The following ST8SIA2 variants were observed in gnomAD, a reference collection of about 807,000 sequenced individuals.
ST8SIA2 encodes the protein ST8 alpha-N-acetyl-neuraminide alpha-2,8-sialyltransferase 2.
ST8SIA2 carries 22 observed loss-of-function variants against 37.6 expected under a neutral mutation model. The observed-to-expected ratio is 0.58, with a 90% CI of 0.42 to 0.83. The LOEUF is 0.83. ST8SIA2 is among the 40% of genes least tolerant of loss of function. ST8SIA2 has a pLI of 0.00. For missense variants in ST8SIA2, 382 were observed against 484.7 expected, an observed-to-expected ratio of 0.79 and a Z score of 1.99; for synonymous variants, 205 against 201.2, an observed-to-expected ratio of 1.02 and a Z score of -0.16.
chr15:92,459,184 C>T (rs2049940692), intron 5 of ST8SIA2, among the ~76,000 whole-genome samples: 1 of 152,174 alleles, frequency 6.6e-6, no homozygotes, highest in Non-Finnish European at 1.5e-5. Context: ...GAAAGCCTTC[C>T]CCTACTAAGA....
chr15:92,455,851 G>A (rs2049916089), intron 5 of ST8SIA2, among the ~76,000 whole-genome samples: 1 of 152,184 alleles, frequency 6.6e-6, no homozygotes, highest in Admixed American at 6.5e-5. Flanking sequence ...CCTAGAGGTA[G>A]GTATCGATTC....
chr15:92,414,415 G>A (rs2049572054), intron 1 of ST8SIA2, among the ~76,000 whole-genome samples: 1 of 152,172 alleles, frequency 6.6e-6, no homozygotes, highest in Non-Finnish European at 1.5e-5. Context: ...ACTCATCTCA[G>A]GTTCTGACAA....
intron 1 of ST8SIA2, among the ~76,000 whole-genome samples, chr15:92,411,842 T>TA (rs1177089419): frequency 6.6e-6 from 1 of 152,120 alleles, no homozygotes. Flanking sequence ...TTAGTGTAGA[T>TA]AAAATCTCTA....
chr15:92,458,961 C>A (rs959404576), intron 5 of ST8SIA2, among the ~76,000 whole-genome samples: 11 of 152,118 alleles, frequency 7.2e-5, no homozygotes, highest in African/African-American at 2.7e-4. Context: ...ACAGGATGCA[C>A]GTGCTTAGTT....
At chr15:92,394,220 T>G in intron 1 of ST8SIA2, 58 bp downstream of exon 1, 2 of 1,397,614 alleles carry the variant, frequency 1.4e-6, no homozygotes, top group Non-Finnish European at 2.0e-6. Context: ...TCCCTCCTTC[T>G]GTACTCTCCA....
chr15:92,418,067 G>A lies in ST8SIA2; in HGVS notation c.99-11982G>A, dbSNP rs148221379. Reference sequence around the variant, plus strand: ...TCATGCAGACCACAATCAAATCCTTGCTCTGCTGCTTTGCTTGCTGGGTGG... The same window carrying A: ...TCATGCAGACCACAATCAAATCCTTACTCTGCTGCTTTGCTTGCTGGGTGG... On this transcript the variant is annotated intron_variant, in intron 1 of 5. Transcript: ENST00000268164. Among the ~76,000 whole-genome samples, 261 of 152,240 alleles carry A rather than the reference G, an allele frequency of 1.7e-3. 1 individual carries two copies. Among genetic ancestry groups the A allele is most frequent in the Non-Finnish European group, 2.7e-3 (183 of 68,002 alleles).
At chr15:92,403,153 C>T (rs969476274) in intron 1 of ST8SIA2, among the ~76,000 whole-genome samples, 2 of 152,170 alleles carry the variant, frequency 1.3e-5, no homozygotes, top group Non-Finnish European at 2.9e-5. Context: ...TTCCCAAGCA[C>T]CCTGTTAGTC....
At chr15:92,398,601 T>G (rs189075470) in intron 1 of ST8SIA2, among the ~76,000 whole-genome samples, 116 of 152,340 alleles carry the variant, frequency 7.6e-4, no homozygotes, top group Non-Finnish European at 1.4e-3. Flanking sequence ...GTGAGCCAGA[T>G]GCTAGGCTAA....
intron 1 of ST8SIA2, among the ~76,000 whole-genome samples, chr15:92,398,279 A>G (rs776095804): frequency 6.6e-6 from 1 of 152,262 alleles, no homozygotes; most frequent in Non-Finnish European, 1.5e-5. Context: ...CACTAATCTG[A>G]GATCACAGCC....
At chr15:92,454,465 G>A (rs1352813612) in intron 5 of ST8SIA2, among the ~76,000 whole-genome samples, 1 of 152,012 alleles carries the variant, frequency 6.6e-6, no homozygotes, top group Non-Finnish European at 1.5e-5. Context: ...TGAGTTTGGG[G>A]GAAATGAGAA....
At chr15:92,429,886 G>A (rs2049702486) in intron 1 of ST8SIA2, among the ~76,000 whole-genome samples, 163 bp from the exon 2 acceptor site, 2 of 152,224 alleles carry the variant, frequency 1.3e-5, no homozygotes, top group Non-Finnish European at 2.9e-5. Context: ...AAATGTTTGG[G>A]CTGTGTCTGG....
intron 1 of ST8SIA2, among the ~76,000 whole-genome samples, chr15:92,410,094 C>T (rs1490847606): frequency 6.6e-6 from 1 of 152,202 alleles, no homozygotes; most frequent in African/African-American, 2.4e-5. Context: ...CCTCAGTTTT[C>T]GCATTTATAA....
intron 5 of ST8SIA2, among the ~76,000 whole-genome samples, chr15:92,459,106 C>T (rs1473976902): frequency 3.3e-5 from 5 of 152,182 alleles, no homozygotes; most frequent in African/African-American, 7.2e-5. Flanking sequence ...GACGTTTCAT[C>T]GCTGATTCGA....
At chr15:92,453,598 G>A (rs1428325767) in intron 5 of ST8SIA2, among the ~76,000 whole-genome samples, 1 of 152,220 alleles carries the variant, frequency 6.6e-6, no homozygotes, top group Non-Finnish European at 1.5e-5. Context: ...TGAGAGTCAG[G>A]GAGGTTGGCG....
chr15:92,413,289 T>C (rs1271610248), intron 1 of ST8SIA2, among the ~76,000 whole-genome samples: 3 of 152,174 alleles, frequency 2.0e-5, no homozygotes, highest in East Asian at 3.9e-4. Context: ...AGAACAGTAA[T>C]TACATTAAAA....
chr15:92,407,599 C>A (rs1183740723), intron 1 of ST8SIA2, among the ~76,000 whole-genome samples: 3 of 152,126 alleles, frequency 2.0e-5, no homozygotes, highest in Admixed American at 6.5e-5. Context: ...GATCTGGTGG[C>A]CTGCCCAGCC....
chr15:92,408,928 G>A (rs2049529313), intron 1 of ST8SIA2, among the ~76,000 whole-genome samples: 1 of 151,918 alleles, frequency 6.6e-6, no homozygotes, highest in African/African-American at 2.4e-5. Flanking sequence ...CTGGTCTTGA[G>A]TTCCTGACCT....
Position 92,464,560 on chromosome 15 carries a change from G to A in ST8SIA2, c.*175G>A. 1 of 706,262 alleles carries A rather than the reference G, an allele frequency of 1.4e-6. No individual in the cohort carries two copies. The highest frequency in any genetic ancestry group is 1.8e-5 in the South Asian group (1 of 55,708). 43.7% of individuals were successfully genotyped at this position (706,262 alleles called of 1,614,324 possible). The stretch of plus-strand genomic sequence containing the variant: ...TACCTGCATATATATATTGACCTGA[G>A]TATTTATAACTGTGTGGTGTTCATC... On this transcript the variant is annotated 3_prime_UTR_variant, in exon 6 of 6. Coordinates refer to ENST00000268164, the MANE Select transcript of ST8SIA2 (RefSeq NM_006011.4).
intron 1 of ST8SIA2, among the ~76,000 whole-genome samples, chr15:92,423,666 C>T (rs1329523527): frequency 6.6e-6 from 1 of 152,214 alleles, no homozygotes; most frequent in African/African-American, 2.4e-5. Flanking sequence ...AAAAAGTGAA[C>T]CCACTCCCAA....
Sources: allele counts gnomAD v4.1 joint callset (sites outside exome capture counted in the v4.1 genomes callset), GRCh38; gene constraint gnomAD v4.1.1; transcripts MANE v1.5; gene names NCBI Gene and HGNC (gene_info 2026-07-23, HGNC 2026-07-21).